Variants in PLD5 observed in about 807,000 individuals in gnomAD.
PLD5 encodes inactive phospholipase D5.
PLD5 carries 36 observed loss-of-function variants against 61.1 expected under a neutral mutation model. The observed-to-expected ratio is 0.59, with a 90% CI of 0.45 to 0.78. PLD5 has a LOEUF of 0.78. PLD5 is among the 30% of genes least tolerant of loss of function. The probability of loss-of-function intolerance (pLI) is 0.00; values close to 1 mark genes in which losing one functional copy is unlikely to be tolerated. For synonymous variants in PLD5, 243 were observed against 242.8 expected (o/e 1.00, Z -0.01); for missense variants, 515 against 644.4 (o/e 0.80, Z 2.17).
intron 4 of PLD5, among the ~76,000 whole-genome samples, chr1:242,259,404 G>A (rs1253327918): frequency 6.6e-6 from 1 of 152,034 alleles, no homozygotes; most frequent in Non-Finnish European, 1.5e-5. Context: ...GGTATTTCAG[G>A]CACAGGGAAA....
chr1:242,370,966 A>C (rs1472732989), intron 1 of PLD5, among the ~76,000 whole-genome samples: 1 of 152,172 alleles, frequency 6.6e-6, no homozygotes, highest in Non-Finnish European at 1.5e-5. Context: ...GAAGTCTGTC[A>C]GTTATGATTG....
intron 1 of PLD5, among the ~76,000 whole-genome samples, chr1:242,361,483 A>T (rs1052727314): frequency 1.8e-4 from 27 of 152,086 alleles, no homozygotes; most frequent in African/African-American, 5.8e-4. Flanking sequence ...TTCCAACTAC[A>T]CTTTTCTGTT....
intron 5 of PLD5, among the ~76,000 whole-genome samples, chr1:242,218,190 G>A (rs1350196837): frequency 1.3e-5 from 2 of 152,128 alleles, no homozygotes; most frequent in Non-Finnish European, 2.9e-5. Flanking sequence ...CATCAACATT[G>A]AGGCAAAACC....
chr1:242,103,706 G>A (rs1660849977), intron 8 of PLD5, among the ~76,000 whole-genome samples: 1 of 152,126 alleles, frequency 6.6e-6, no homozygotes, highest in African/African-American at 2.4e-5. Context: ...TCCAACTCCT[G>A]GTTGTTTCAT....
At chr1:242,266,297 C>T (rs1673667802) in intron 3 of PLD5, among the ~76,000 whole-genome samples, 1 of 152,164 alleles carries the variant, frequency 6.6e-6, no homozygotes, top group Non-Finnish European at 1.5e-5. Context: ...AGGAGAATTG[C>T]TTGAACCTGG....
intron 4 of PLD5, among the ~76,000 whole-genome samples, chr1:242,252,281 G>A (rs543428656): frequency 6.6e-5 from 10 of 152,320 alleles, no homozygotes; most frequent in Middle Eastern, 3.4e-3. Flanking sequence ...ACCAGTTCTC[G>A]TGACATTGAT....
At chr1:242,200,184 G>C (rs964068422) in intron 5 of PLD5, among the ~76,000 whole-genome samples, 1 of 152,198 alleles carries the variant, frequency 6.6e-6, no homozygotes, top group South Asian at 2.1e-4. Context: ...AGCTTGCTGC[G>C]AGGCACGAGG....
chr1:242,241,304 T>C (rs1421708818), intron 4 of PLD5, among the ~76,000 whole-genome samples: 1 of 152,142 alleles, frequency 6.6e-6, no homozygotes, highest in Non-Finnish European at 1.5e-5. Flanking sequence ...TTTTATCATA[T>C]TGAAAAAGCC....
intron 4 of PLD5, among the ~76,000 whole-genome samples, chr1:242,239,747 C>T (rs568844576): frequency 1.3e-5 from 2 of 152,324 alleles, no homozygotes; most frequent in South Asian, 4.1e-4. Context: ...CGTTTAATCT[C>T]TCAGAGCCCC....
chr1:242,516,750 G>A (rs1669117590), intron 1 of PLD5, among the ~76,000 whole-genome samples: 1 of 152,164 alleles, frequency 6.6e-6, no homozygotes. Flanking sequence ...TTAGATGCCT[G>A]GAAGCAGGCT....
intron 4 of PLD5, among the ~76,000 whole-genome samples, chr1:242,251,779 A>G (rs903820601): frequency 8.5e-5 from 13 of 152,158 alleles, no homozygotes; most frequent in Admixed American, 2.6e-4. Flanking sequence ...AAGGTAAGAG[A>G]GAAAAAAACT....
chr1:242,148,319 A>G (rs534642814), intron 5 of PLD5, among the ~76,000 whole-genome samples: 1 of 114,592 alleles, frequency 8.7e-6, no homozygotes, highest in South Asian at 3.3e-4. Context: ...GTGTTGGTCT[A>G]TTTCTGGACT....
chr1:242,326,509 G>A (rs1658794638), intron 2 of PLD5, among the ~76,000 whole-genome samples: 2 of 151,926 alleles, frequency 1.3e-5, no homozygotes, highest in South Asian at 4.2e-4. Context: ...TTTATTTAAA[G>A]ATCCTGACAT....
At chr1:242,392,909 A>T (rs1392639829) in intron 1 of PLD5, among the ~76,000 whole-genome samples, 1 of 152,046 alleles carries the variant, frequency 6.6e-6, no homozygotes, top group African/African-American at 2.4e-5. Flanking sequence ...GTAAGCAATA[A>T]AAGTATTTTT....
chr1:242,168,846 G>GTTT (rs34280777), intron 5 of PLD5, among the ~76,000 whole-genome samples: 41 of 111,262 alleles, frequency 3.7e-4, no homozygotes, highest in Admixed American at 2.2e-4. Flanking sequence ...AATTAATGAA[G>GTTT]TTTTTTTTTT....
intron 1 of PLD5, among the ~76,000 whole-genome samples, chr1:242,364,317 T>A (rs1183389751): frequency 5.3e-5 from 8 of 152,250 alleles, no homozygotes; most frequent in Non-Finnish European, 1.0e-4. Context: ...CTCACATTTA[T>A]GGAGCACTCC....
chr1:242,347,308 A>T (rs1308310839), intron 2 of PLD5, among the ~76,000 whole-genome samples: 1 of 152,188 alleles, frequency 6.6e-6, no homozygotes, highest in Non-Finnish European at 1.5e-5. Context: ...AAATATAACA[A>T]TTTAAATTTA....
chr1:242,100,838 C>T lies in PLD5; in HGVS notation c.1240-56G>A, dbSNP rs368822125. The stretch of plus-strand genomic sequence containing the variant: ...ATAAGAGGAACGTTTCTGGTCTTGT[C>T]CAAGAGCACAAAAGAATGCATTATC... On this transcript the variant is annotated intron_variant, in intron 8 of 9. Coordinates refer to ENST00000536534, the MANE Select transcript of PLD5 (RefSeq NM_001372062.1). 56 of 1,200,432 alleles carry T rather than the reference C, an allele frequency of 4.7e-5. No individual in the cohort carries two copies. The African/African-American group carries it at 8.0e-4, about 17-fold the overall frequency. 74.4% of individuals were successfully genotyped at this position (1,200,432 alleles called of 1,614,324 possible).
chr1:242,505,176 A>C (rs1034134809), intron 1 of PLD5, among the ~76,000 whole-genome samples: 10 of 152,208 alleles, frequency 6.6e-5, no homozygotes, highest in African/African-American at 2.4e-4. Context: ...TTTAAAAATA[A>C]AATTTGGAAC....
Sources: gnomAD v4.1 joint callset for allele counts (sites outside exome capture counted in the v4.1 genomes callset) on GRCh38, gnomAD v4.1.1 for gene constraint, MANE v1.5 for transcripts, NCBI Gene and HGNC (gene_info 2026-07-23, HGNC 2026-07-21) for gene names.